The following DNAAF4 variants were observed in gnomAD, a reference collection of about 807,000 sequenced individuals.
DNAAF4 encodes the protein dynein axonemal assembly factor 4.
Under a neutral mutation model 51.8 loss-of-function variants are expected in DNAAF4, and 43 were observed. That is an observed-to-expected ratio of 0.83 (90% CI 0.65 to 1.07). DNAAF4 has a LOEUF of 1.07. Among genes scored for constraint, DNAAF4 ranks in the 50% least tolerant of loss-of-function variants. The pLI is 0.00. For missense variants in DNAAF4, 581 were observed against 493.0 expected, an observed-to-expected ratio of 1.18 and a Z score of -1.69; for synonymous variants, 194 against 165.6, an observed-to-expected ratio of 1.17 and a Z score of -1.32.
chr15:55,467,501 A>G (rs1285967382), intron 4 of DNAAF4, among the ~76,000 whole-genome samples: 4 of 151,938 alleles, frequency 2.6e-5, no homozygotes, highest in Non-Finnish European at 5.9e-5. Context: ...AAAAAATAAT[A>G]GAAATTTATT....
At chr15:55,500,187 A>G (rs1039640637) in intron 1 of DNAAF4, among the ~76,000 whole-genome samples, 10 of 152,196 alleles carry the variant, frequency 6.6e-5, no homozygotes, top group Non-Finnish European at 1.2e-4. Context: ...TTCATTGAGG[A>G]AAGATAAGGA....
Position 55,434,943 on chromosome 15 carries a change from G to C in DNAAF4, c.1009C>G (p.Leu337Val). 1.2e-6 allele frequency: 2 copies of C among 1,612,454 alleles called. No homozygotes were observed. The highest frequency in any genetic ancestry group is 2.2e-5 in the South Asian group (2 of 90,522). Residue 337 changes from leucine to valine, a missense_variant, in exon 8 of 10, where the codon CTA becomes GTA. Transcript: ENST00000321149. ...TCAATAGCCTTGTGTAAGTTTTTTA[G>C]TTTTAGGTGGCAAGCAGCCCGGTTC... is the stretch of plus-strand genomic sequence containing the variant. ...YLNRAACHLK[L>V]KNLHKAIEDS...
intron 4 of DNAAF4, among the ~76,000 whole-genome samples, chr15:55,484,210 G>C (rs1268345600): frequency 2.0e-5 from 3 of 151,980 alleles, no homozygotes; most frequent in Admixed American, 6.6e-5. Flanking sequence ...TAGGCCGGGC[G>C]CGGTGGCTCA....
chr15:55,424,515 A>AT (rs887659246), intron 7 of DNAAF4, among the ~76,000 whole-genome samples: 2 of 152,182 alleles, frequency 1.3e-5, no homozygotes, highest in African/African-American at 4.8e-5. Context: ...CTTGCTAGTG[A>AT]TTAAGAGGTC....
At chr15:55,435,390 G>A (rs1025913034) in intron 7 of DNAAF4, among the ~76,000 whole-genome samples, 2 of 152,158 alleles carry the variant, frequency 1.3e-5, no homozygotes, top group African/African-American at 4.8e-5. Context: ...TGGTTTCAAA[G>A]TTGAAGAATG....
chr15:55,506,256 A>T (rs969501540), intron 1 of DNAAF4, among the ~76,000 whole-genome samples: 5 of 152,224 alleles, frequency 3.3e-5, no homozygotes, highest in Non-Finnish European at 5.9e-5. Context: ...TAAAATGGGC[A>T]AATTGGCATA....
At chr15:55,464,845 C>T (rs532006753) in intron 5 of DNAAF4, among the ~76,000 whole-genome samples, 40 of 152,242 alleles carry the variant, frequency 2.6e-4, no homozygotes, top group Non-Finnish European at 4.3e-4. Context: ...ATCCTAGCTA[C>T]TCGGGAGGCT....
intron 4 of DNAAF4, among the ~76,000 whole-genome samples, chr15:55,487,386 T>C (rs759250063): frequency 6.6e-6 from 1 of 151,938 alleles, no homozygotes; most frequent in Non-Finnish European, 1.5e-5. Context: ...ATCAGCACTC[T>C]GTAAAATGGA....
At chr15:55,432,623 AT>A in intron 8 of DNAAF4, 21 bp from the exon 9 acceptor site, 2 of 1,578,162 alleles carry the variant, frequency 1.3e-6, no homozygotes, top group Non-Finnish European at 1.7e-6. Flanking sequence ...ATATATAATT[AT>A]TACAAGAAAG....
intron 6 of DNAAF4, chr15:55,442,602 G>C (rs2057731760): frequency 2.1e-6 from 3 of 1,423,210 alleles, no homozygotes; most frequent in Non-Finnish European, 3.0e-6. Flanking sequence ...CTGGAGGGGA[G>C]AGAATGAGAT....
chr15:55,487,776 C>A (rs1434288484), intron 4 of DNAAF4, among the ~76,000 whole-genome samples: 2 of 152,162 alleles, frequency 1.3e-5, no homozygotes, highest in African/African-American at 4.8e-5. Flanking sequence ...ATTCTGGACA[C>A]ATTAGGATAT....
chr15:55,500,506 T>G (rs1357161611), intron 1 of DNAAF4, among the ~76,000 whole-genome samples: 1 of 152,220 alleles, frequency 6.6e-6, no homozygotes, highest in African/African-American at 2.4e-5. Flanking sequence ...GTTCTCCCAC[T>G]ATACAGAAAT....
At chr15:55,494,444 C>T (rs1252849668) in intron 3 of DNAAF4, among the ~76,000 whole-genome samples, 1 of 151,946 alleles carries the variant, frequency 6.6e-6, no homozygotes, top group African/African-American at 2.4e-5. Context: ...TGGAGTCTCG[C>T]TCTGTTGCGC....
rs187913703 is a variant in DNAAF4 at position 55,451,441 on chromosome 15, T to C, written c.638-1074A>G. ...TAATGGCAAAAGACATTTCTAGGTA[T>C]GTAAGAACTCAGCCAACACTACCTA... On this transcript the variant is annotated intron_variant, in intron 5 of 9. Coordinates refer to ENST00000321149, the MANE Select transcript of DNAAF4 (RefSeq NM_130810.4). 7.2e-5 allele frequency among the ~76,000 whole-genome samples: 11 copies of C among 152,290 alleles called. No homozygotes were observed. The East Asian group carries it at 1.4e-3, about 19-fold the overall frequency.
chr15:55,473,434 T>C (rs1024460445), intron 4 of DNAAF4, among the ~76,000 whole-genome samples: 8 of 148,830 alleles, frequency 5.4e-5, no homozygotes, highest in South Asian at 4.3e-4. Flanking sequence ...CTTAATCAAA[T>C]AGGGGTAACT....
intron 9 of DNAAF4, 24 bp downstream of exon 9, chr15:55,432,473 A>T: frequency 6.3e-7 from 1 of 1,589,064 alleles, no homozygotes; most frequent in East Asian, 2.2e-5. Flanking sequence ...CTTGGGACTT[A>T]AACCATTTCT....
At chr15:55,479,641 A>G (rs376637176) in intron 4 of DNAAF4, among the ~76,000 whole-genome samples, 3 of 152,180 alleles carry the variant, frequency 2.0e-5, no homozygotes, top group African/African-American at 4.8e-5. Flanking sequence ...ATAAATGGAC[A>G]TGCAAGTAGG....
At chr15:55,418,669 A>G in intron 7 of DNAAF4, 1 of 850,206 alleles carries the variant, frequency 1.2e-6, no homozygotes, top group South Asian at 2.2e-5. Context: ...AAAAGTTTTG[A>G]ATCAATTTTT....
intron 4 of DNAAF4, among the ~76,000 whole-genome samples, chr15:55,487,239 T>C (rs746135124): frequency 2.0e-5 from 3 of 151,716 alleles, no homozygotes; most frequent in Admixed American, 6.6e-5. Flanking sequence ...ATTGTAAACA[T>C]ACCAATCAGC....
Sources: gnomAD v4.1 joint callset for allele counts (sites outside exome capture counted in the v4.1 genomes callset) on GRCh38, gnomAD v4.1.1 for gene constraint, MANE v1.5 for transcripts, NCBI Gene and HGNC (gene_info 2026-07-23, HGNC 2026-07-21) for gene names.